CRTC1: variants seen among roughly 807,000 people sequenced by gnomAD.
CRTC1 encodes CREB regulated transcription coactivator 1.
In CRTC1, 18 loss-of-function variants were observed where a neutral mutation model predicts 66.1. That is an observed-to-expected ratio of 0.27 (90% CI 0.19 to 0.40). CRTC1 has a LOEUF of 0.40. CRTC1 is among the 10% of genes least tolerant of loss of function. CRTC1 has a pLI of 1.00. For synonymous variants in CRTC1, 416 were observed against 398.8 expected (o/e 1.04, Z -0.51); for missense variants, 669 against 887.9 (o/e 0.75, Z 3.13).
chr19:18,745,203 G>A (rs1414468638), intron 2 of CRTC1, among the ~76,000 whole-genome samples: 1 of 152,192 alleles, frequency 6.6e-6, no homozygotes, highest in African/African-American at 2.4e-5. Context: ...CCATGGCTCC[G>A]GAAGGCGCCT....
chr19:18,710,170 C>A (rs1253034963), intron 1 of CRTC1, among the ~76,000 whole-genome samples: 1 of 152,168 alleles, frequency 6.6e-6, no homozygotes, highest in Non-Finnish European at 1.5e-5. Context: ...CCCCCCACCC[C>A]ATTTCCAGCT....
rs2053267114 is a variant in CRTC1, at chr19:18,706,386, A to G, written c.126+22558A>G. Among the ~76,000 whole-genome samples, 3 of 149,760 alleles carry G rather than the reference A, an allele frequency of 2.0e-5. No individual in the cohort carries two copies. In the South Asian group the frequency reaches 6.3e-4, roughly 31 times the overall value. ...ACACTCAGCTAATTTTTGTATTTTT[A>G]GTAGAGATGGGGTTTCACCATGTTG... On this transcript the variant is annotated intron_variant, in intron 1 of 13. Transcript: ENST00000321949.
chr19:18,777,576 TCCAC>T lies in CRTC1; in HGVS notation c.*201_*204del. The stretch of plus-strand genomic sequence containing the variant: ...AATCGCGAGGCCGCGAGCCGGGCCG[TCCAC>T]CCACCCGCCCGCCCAGGGCTGGGCT... On this transcript the variant is annotated 3_prime_UTR_variant, in exon 14 of 14. Coordinates refer to ENST00000321949, the MANE Select transcript of CRTC1 (RefSeq NM_015321.3). The surrounding 1 kb of genome is among the most constrained non-coding windows in gnomAD (Gnocchi z 5.5). 3.5e-6 allele frequency: 2 copies of T among 567,210 alleles called. No homozygotes were observed. Among genetic ancestry groups the T allele is most frequent in the East Asian group, 3.2e-5 (1 of 31,300 alleles). The allele number at this position is 567,210 out of a possible 1,614,324, so 35.1% of individuals were successfully genotyped here. A position where few individuals can be genotyped will look rare whatever the true frequency, so the allele number is the denominator to read the frequency against.
chr19:18,753,479 C>T (rs750119863), intron 5 of CRTC1, 21 bp from the exon 6 acceptor site: 2 of 1,567,154 alleles, frequency 1.3e-6, no homozygotes, highest in Non-Finnish European at 1.7e-6. Context: ...GATTCTCCTT[C>T]TCCCCCTCCC....
At chr19:18,726,929 GAAA>G (rs57708407) in intron 1 of CRTC1, among the ~76,000 whole-genome samples, 1,182 of 111,902 alleles carry the variant, frequency 0.011, 18 homozygotes, top group African/African-American at 0.038. Flanking sequence ...CCGTCTTGGG[GAAA>G]AAAAAAAAAA....
At chr19:18,697,013 C>T (rs2053006124) in intron 1 of CRTC1, among the ~76,000 whole-genome samples, 1 of 152,064 alleles carries the variant, frequency 6.6e-6, no homozygotes, top group South Asian at 2.1e-4. Context: ...GGGTATGTCT[C>T]TGACCTCCAA....
chr19:18,717,536 C>A (rs140228259), intron 1 of CRTC1, among the ~76,000 whole-genome samples: 8 of 152,242 alleles, frequency 5.3e-5, no homozygotes, highest in African/African-American at 1.2e-4. Context: ...CTCACAGGAG[C>A]CTGTGTTTCT....
Position 18,776,398 on chromosome 19 carries a change from G to A in CRTC1, c.1693+577G>A, listed in dbSNP as rs1251305237. On this transcript the variant is annotated intron_variant, in intron 13 of 13. Coordinates refer to ENST00000321949, the MANE Select transcript of CRTC1 (RefSeq NM_015321.3). ...ACCCAGACCCTGTCTCCCTGCTGAA[G>A]AAGATGATTCCCTTATGAGTCAGGG... Among the ~76,000 whole-genome samples the A allele has an allele frequency of 2.6e-5, 4 of 152,364 alleles. No homozygotes were observed. The East Asian group carries it at 7.7e-4, about 29-fold the overall frequency.
At chr19:18,688,788 G>A (rs1049230185) in intron 1 of CRTC1, among the ~76,000 whole-genome samples, 7 of 151,986 alleles carry the variant, frequency 4.6e-5, no homozygotes, top group African/African-American at 7.3e-5. Context: ...ATGGCATTCC[G>A]CCACTCAGTG....
At chr19:18,690,720 G>C (rs2052809221) in intron 1 of CRTC1, among the ~76,000 whole-genome samples, 1 of 152,024 alleles carries the variant, frequency 6.6e-6, no homozygotes, top group African/African-American at 2.4e-5. Flanking sequence ...CCGGTGACTG[G>C]TATCCTTATG....
intron 2 of CRTC1, among the ~76,000 whole-genome samples, chr19:18,743,591 C>T (rs1012261501): frequency 6.6e-6 from 1 of 152,134 alleles, no homozygotes. Flanking sequence ...AGGGCCACCC[C>T]CAGGACGGTG....
chr19:18,735,444 C>G (rs573188475), intron 1 of CRTC1, among the ~76,000 whole-genome samples: 1 of 152,152 alleles, frequency 6.6e-6, no homozygotes, highest in Non-Finnish European at 1.5e-5. Context: ...GGCACTGGAT[C>G]GAGGCGCACG....
intron 1 of CRTC1, among the ~76,000 whole-genome samples, chr19:18,685,772 G>A (rs113467348): frequency 2.2e-4 from 33 of 152,298 alleles, no homozygotes; most frequent in African/African-American, 7.5e-4. Flanking sequence ...TCCAGCACAT[G>A]GTGTGTGCTG....
At position 18,768,583 on chromosome 19, in the gene CRTC1, G is replaced by T; in HGVS notation, c.1110G>T (p.Pro370=). Residue 370 remains proline, a synonymous_variant, in exon 10 of 14, where the codon CCG becomes CCT. Transcript: ENST00000321949. The surrounding 1 kb of genome is among the most constrained non-coding windows in gnomAD (Gnocchi z 5.6). ...SQQPPPQPQP[P]PPPPPASQQP... Reference sequence around the variant, plus strand: ...AGCCACCGCCGCAGCCCCAGCCCCCGCCGCCTCCTCCACCCGCGTCCCAGC... The same window carrying T: ...AGCCACCGCCGCAGCCCCAGCCCCCTCCGCCTCCTCCACCCGCGTCCCAGC... 6.5e-7 allele frequency: 1 copy of T among 1,538,482 alleles called. No homozygotes were observed.
intron 1 of CRTC1, among the ~76,000 whole-genome samples, chr19:18,733,033 G>A (rs1221107617): frequency 1.3e-5 from 2 of 151,754 alleles, no homozygotes; most frequent in African/African-American, 4.8e-5. Flanking sequence ...GCTGCAGTGA[G>A]CTGTGTTCAC....
At chr19:18,708,820 GA>G (rs2053324352) in intron 1 of CRTC1, among the ~76,000 whole-genome samples, 1 of 152,178 alleles carries the variant, frequency 6.6e-6, no homozygotes, top group Non-Finnish European at 1.5e-5. Context: ...GCGGTGCCCA[GA>G]AGCAGGAGGA....
intron 1 of CRTC1, among the ~76,000 whole-genome samples, chr19:18,690,388 G>A (rs554720459): frequency 1.3e-5 from 2 of 152,216 alleles, no homozygotes; most frequent in Admixed American, 6.5e-5. Flanking sequence ...TTTCTGTGCC[G>A]GCTGCTTCAG....
At chr19:18,762,026 G>A (rs918369994) in intron 8 of CRTC1, among the ~76,000 whole-genome samples, 5 of 152,214 alleles carry the variant, frequency 3.3e-5, no homozygotes, top group Admixed American at 6.5e-5. Flanking sequence ...ACAGGGCCAG[G>A]CAGGCGGCAT....
At chr19:18,732,091 G>T (rs559105198) in intron 1 of CRTC1, among the ~76,000 whole-genome samples, 52 of 152,324 alleles carry the variant, frequency 3.4e-4, no homozygotes, top group Non-Finnish European at 1.8e-4. Flanking sequence ...GTGATGCTGG[G>T]CCCCCAGGGG....
Sources: allele counts gnomAD v4.1 joint callset (sites outside exome capture counted in the v4.1 genomes callset), GRCh38; gene constraint gnomAD v4.1.1; non-coding constraint Gnocchi (gnomAD v3.1); transcripts MANE v1.5; gene names NCBI Gene and HGNC (gene_info 2026-07-23, HGNC 2026-07-21).